Variants in VPS13C observed in about 807,000 individuals in gnomAD.
VPS13C encodes the protein intermembrane lipid transfer protein VPS13C.
Under a neutral mutation model 456.8 loss-of-function variants are expected in VPS13C, and 358 were observed. The ratio of observed to expected loss-of-function variants is 0.78; its 90% CI spans 0.72 to 0.86. The LOEUF is 0.86. VPS13C is among the 40% of genes least tolerant of loss of function. The probability of loss-of-function intolerance (pLI) is 0.00; values close to 1 mark genes in which losing one functional copy is unlikely to be tolerated. For synonymous variants in VPS13C, 1,578 were observed against 1,486.7 expected, an observed-to-expected ratio of 1.06 and a Z score of -1.41; for missense variants, 4,818 against 4,385.4, an observed-to-expected ratio of 1.10 and a Z score of -2.79.
intron 3 of VPS13C, among the ~76,000 whole-genome samples, chr15:62,039,091 C>T (rs112159172): frequency 6.6e-6 from 1 of 151,970 alleles, no homozygotes; most frequent in East Asian, 1.9e-4. Context: ...CTACTGAGTA[C>T]CTAAAAGAAA....
chr15:61,873,751 A>G lies in VPS13C; in HGVS notation c.10415-342T>C, dbSNP rs563171753. ...TATAACTTAATACAGCTATTATGGA[A>G]AACAGTATGGAGGCTCCTCAAAAAA... is the stretch of plus-strand genomic sequence containing the variant. On this transcript the variant is annotated intron_variant, in intron 77 of 84. Transcript: ENST00000644861. 8.5e-5 allele frequency among the ~76,000 whole-genome samples: 13 copies of G among 152,222 alleles called. No individual in the cohort carries two copies. In the East Asian group the frequency reaches 1.5e-3, roughly 18 times the overall value.
chr15:61,984,746 G>A, intron 19 of VPS13C, 111 bp downstream of exon 19: 1 of 1,117,718 alleles, frequency 8.9e-7, no homozygotes. Context: ...CATATACAAG[G>A]AAAAGAAATT....
chr15:61,922,330 T>C (rs2043685287), intron 54 of VPS13C, 67 bp downstream of exon 54: 2 of 1,538,708 alleles, frequency 1.3e-6, no homozygotes, highest in African/African-American at 1.4e-5. Context: ...ACAAGAAAAG[T>C]GTATATCTTA....
chr15:62,024,391 TGAATTCGATTAG>T (rs1239299043), intron 6 of VPS13C, among the ~76,000 whole-genome samples: 2 of 152,118 alleles, frequency 1.3e-5, no homozygotes, highest in Non-Finnish European at 2.9e-5. Flanking sequence ...GACTGTACAC[TGAATTCGATTAG>T]GAATTCCTTT....
At chr15:61,949,302 T>C (rs1040054370) in intron 42 of VPS13C, 141 bp downstream of exon 42, 1 of 914,176 alleles carries the variant, frequency 1.1e-6, no homozygotes, top group Non-Finnish European at 1.7e-6. Flanking sequence ...CCCATAGAGA[T>C]AACATTTTCT....
At chr15:61,909,982 T>TG (rs1393718981) in intron 64 of VPS13C, among the ~76,000 whole-genome samples, 195 bp downstream of exon 64, 1 of 40,720 alleles carries the variant, frequency 2.5e-5, no homozygotes, top group African/African-American at 1.0e-4. Context: ...TGTTGTGGGG[T>TG]GGGGGGAGGG....
At chr15:61,951,766 A>C in intron 39 of VPS13C, 58 bp downstream of exon 39, 1 of 1,512,926 alleles carries the variant, frequency 6.6e-7, no homozygotes, top group Non-Finnish European at 8.9e-7. Context: ...AATGTTGATA[A>C]AAAGGTAGGG....
rs1234052387 is a variant in VPS13C at position 61,941,776 on chromosome 15, A to G, written c.5440T>C (p.Leu1814=). The change falls in exon 46 of 85, where the codon TTG becomes CTG. Residue 1814 remains leucine, a synonymous_variant. Coordinates refer to ENST00000644861, the MANE Select transcript of VPS13C (RefSeq NM_020821.3). ...IDKMNIELTQ[L]KLSRTILQAS... ...ACATATTTATACCTTGACAGCTTCA[A>G]CTGAGTGAGTTCGATGTTCATTTTA... 2 of 1,611,260 alleles carry G rather than the reference A, an allele frequency of 1.2e-6. No individual in the cohort carries two copies. The highest frequency in any genetic ancestry group is 2.2e-5 in the East Asian group (1 of 44,842).
At chr15:61,860,698 C>G (rs894488882) in intron 82 of VPS13C, among the ~76,000 whole-genome samples, 1 of 151,976 alleles carries the variant, frequency 6.6e-6, no homozygotes, top group Non-Finnish European at 1.5e-5. Context: ...GAAAAATTGA[C>G]AAGACTAAAA....
At chr15:61,929,427 T>C in intron 51 of VPS13C, 74 bp downstream of exon 51, 1 of 1,519,182 alleles carries the variant, frequency 6.6e-7, no homozygotes, top group Non-Finnish European at 8.8e-7. Context: ...AAATTTTTCA[T>C]TTCTCTTTTT....
chr15:61,966,139 C>T lies in VPS13C; in HGVS notation c.2995G>A (p.Asp999Asn). 8 of 1,601,832 alleles carry T rather than the reference C, an allele frequency of 5.0e-6. No homozygotes were observed. The highest frequency in any genetic ancestry group is 6.8e-6 in the Non-Finnish European group (8 of 1,173,590). Residue 999 changes from aspartate (D) to asparagine (N), a missense_variant, in exon 30 of 85, where the codon GAT becomes AAT. Transcript: ENST00000644861. ...GTTTGAAAACTAGGTCCATTCTTAT[C>T]AGCCTGAAAAAAGAAGTAAAAGTTC... Reference protein sequence around the residue: ...DLLKVEYIKADKNGPSFQTAF... With the variant: ...DLLKVEYIKANKNGPSFQTAF...
chr15:61,945,721 A>G lies in VPS13C; in HGVS notation c.5142T>C (p.Ser1714=). Residue 1714 remains serine (S), a synonymous_variant, in exon 45 of 85, where the codon TCT becomes TCC. Coordinates refer to ENST00000644861, the MANE Select transcript of VPS13C (RefSeq NM_020821.3). ...QIVYVHKFFM[S]LLNFLNNFQT... is the part of the protein sequence containing the mutation. ...TATATTTTTAAAAACTTACCAAAAG[A>G]GACATGAAGAATTTATGAACATAAA... The G allele has an allele frequency of 6.3e-7, 1 of 1,581,608 alleles. No individual in the cohort carries two copies. Among genetic ancestry groups the G allele is most frequent in the Non-Finnish European group, 8.5e-7 (1 of 1,169,996 alleles).
At position 61,875,698 on chromosome 15, in the gene VPS13C, G is replaced by A. The variant is rs12708469; in HGVS notation, c.10338+34C>T. ...TAAAAAATAGACCATCCATTTTTCT[G>A]TACCTATCCTTAGAACAAATAAGAG... On this transcript the variant is annotated intron_variant, in intron 76 of 84. Transcript: ENST00000644861. 0.54 allele frequency: 810,004 copies of A among 1,495,052 alleles called. 222,269 individuals are homozygous for A. Among genetic ancestry groups the A allele is most frequent in the Admixed American group, 0.67 (37,796 of 56,508 alleles). 92.6% of individuals were successfully genotyped at this position (1,495,052 alleles called of 1,614,324 possible).
chr15:61,966,134 C>A lies in VPS13C; in HGVS notation c.3000G>T (p.Lys1000Asn). The change falls in exon 30 of 85, where the codon AAG becomes AAT. Residue 1000 changes from lysine to asparagine, a missense_variant. Coordinates refer to ENST00000644861, the MANE Select transcript of VPS13C (RefSeq NM_020821.3). ...AAGCAGTTTGAAAACTAGGTCCATT[C>A]TTATCAGCCTGAAAAAAGAAGTAAA... is the stretch of plus-strand genomic sequence containing the variant. ...LLKVEYIKAD[K>N]NGPSFQTAFG... The A allele has an allele frequency of 6.2e-7, 1 of 1,602,900 alleles. No homozygotes were observed. Among genetic ancestry groups the A allele is most frequent in the South Asian group, 1.1e-5 (1 of 88,854 alleles).
intron 37 of VPS13C, 47 bp from the exon 38 acceptor site, chr15:61,954,601 CCA>C: frequency 6.5e-7 from 1 of 1,535,026 alleles, no homozygotes; most frequent in Non-Finnish European, 8.7e-7. Context: ...CAAATTTCTT[CCA>C]CAAATATTTA....
chr15:61,857,440 A>C (rs1308360440), intron 82 of VPS13C, among the ~76,000 whole-genome samples: 1 of 152,206 alleles, frequency 6.6e-6, no homozygotes, highest in Non-Finnish European at 1.5e-5. Context: ...AAAGGAGTAC[A>C]AAAAAGGAAA....
intron 22 of VPS13C, among the ~76,000 whole-genome samples, chr15:61,979,846 G>A (rs946436230): frequency 1.1e-4 from 16 of 152,090 alleles, no homozygotes; most frequent in Non-Finnish European, 1.6e-4. Flanking sequence ...AAAAACAAGT[G>A]TGGGATCAAG....
intron 17 of VPS13C, among the ~76,000 whole-genome samples, chr15:61,991,413 T>C (rs1481517765): frequency 6.6e-6 from 1 of 152,214 alleles, no homozygotes; most frequent in Non-Finnish European, 1.5e-5. Flanking sequence ...ATGCTAAATG[T>C]TGAGATCTTT....
At chr15:61,950,504 T>C in intron 40 of VPS13C, 87 bp from the exon 41 acceptor site, 1 of 1,070,788 alleles carries the variant, frequency 9.3e-7, no homozygotes, top group Non-Finnish European at 1.4e-6. Flanking sequence ...CTTTTCTAAG[T>C]ATGCTATTAA....
Sources: gnomAD v4.1 joint callset for allele counts (sites outside exome capture counted in the v4.1 genomes callset) on GRCh38, gnomAD v4.1.1 for gene constraint, MANE v1.5 for transcripts, NCBI Gene and HGNC (gene_info 2026-07-23, HGNC 2026-07-21) for gene names.